Variants in TRIO observed in about 807,000 individuals in gnomAD.
TRIO encodes the protein trio Rho guanine nucleotide exchange factor.
Under a neutral mutation model 351.9 loss-of-function variants are expected in TRIO, and 58 were observed. That is an observed-to-expected ratio of 0.16 (90% CI 0.13 to 0.21). The LOEUF (loss-of-function observed/expected upper bound fraction) is 0.21. TRIO is among the 10% of genes least tolerant of loss of function. TRIO has a pLI of 1.00. For synonymous variants in TRIO, 1,758 were observed against 1,595.7 expected, an observed-to-expected ratio of 1.10 and a Z score of -2.42; for missense variants, 3,201 against 4,027.8, an observed-to-expected ratio of 0.79 and a Z score of 5.56.
At chr5:14,215,199 G>GAA (rs1227428150) in intron 1 of TRIO, among the ~76,000 whole-genome samples, 2 of 152,180 alleles carry the variant, frequency 1.3e-5, no homozygotes, top group African/African-American at 4.8e-5. Flanking sequence ...GAAAGAAAAA[G>GAA]AAAACCATAA....
At chr5:14,426,299 C>A (rs1750637658) in intron 34 of TRIO, among the ~76,000 whole-genome samples, 1 of 152,276 alleles carries the variant, frequency 6.6e-6, no homozygotes, top group African/African-American at 2.4e-5. Context: ...AACATAGGGG[C>A]TTTTTTCCCT....
At chr5:14,417,338 G>A (rs1749731678) in intron 33 of TRIO, among the ~76,000 whole-genome samples, 1 of 152,216 alleles carries the variant, frequency 6.6e-6, no homozygotes, top group Non-Finnish European at 1.5e-5. Context: ...TTTGGTCTTT[G>A]TGGTTGTCTA....
chr5:14,147,382 A>G (rs895052289), intron 1 of TRIO, among the ~76,000 whole-genome samples: 2 of 152,042 alleles, frequency 1.3e-5, no homozygotes, highest in Admixed American at 6.5e-5. Flanking sequence ...TTTATTGCCA[A>G]TCTATTTTGG....
chr5:14,502,710 A>T (rs372390384), intron 54 of TRIO, 53 bp downstream of exon 54: 4 of 1,557,778 alleles, frequency 2.6e-6, no homozygotes, highest in Non-Finnish European at 3.5e-6. Flanking sequence ...TGGGGAAGAC[A>T]TACCAGAGAG....
intron 29 of TRIO, 22 bp from the exon 30 acceptor site, chr5:14,398,857 GC>G: frequency 6.4e-7 from 1 of 1,571,016 alleles, no homozygotes; most frequent in Non-Finnish European, 8.6e-7. Context: ...AAATTGATTT[GC>G]CTCCCTTTTT....
intron 34 of TRIO, among the ~76,000 whole-genome samples, chr5:14,455,129 T>C (rs924924273): frequency 3.9e-5 from 6 of 152,146 alleles, no homozygotes; most frequent in African/African-American, 1.4e-4. Flanking sequence ...AGCAGCAAGA[T>C]TTATTGCAAA....
chr5:14,217,829 A>G (rs964309055), intron 1 of TRIO, among the ~76,000 whole-genome samples: 1 of 152,198 alleles, frequency 6.6e-6, no homozygotes, highest in Non-Finnish European at 1.5e-5. Context: ...CCAGCCTGAC[A>G]CATGGCTTGC....
intron 1 of TRIO, among the ~76,000 whole-genome samples, chr5:14,210,292 A>G (rs968806304): frequency 1.3e-5 from 2 of 152,220 alleles, no homozygotes; most frequent in African/African-American, 4.8e-5. Context: ...AACAGAGTCT[A>G]GGGAAGCTTT....
chr5:14,377,656 G>A (rs921045111), intron 19 of TRIO, among the ~76,000 whole-genome samples: 13 of 151,738 alleles, frequency 8.6e-5, no homozygotes, highest in African/African-American at 1.2e-4. Flanking sequence ...TAATAGTCTT[G>A]AAAAAAATGC....
At chr5:14,416,586 A>G (rs1749663193) in intron 33 of TRIO, among the ~76,000 whole-genome samples, 2 of 152,202 alleles carry the variant, frequency 1.3e-5, no homozygotes, top group African/African-American at 4.8e-5. Flanking sequence ...TTTGTATATG[A>G]TTCTTTGGCA....
At chr5:14,427,801 C>T (rs1750775377) in intron 34 of TRIO, among the ~76,000 whole-genome samples, 2 of 152,116 alleles carry the variant, frequency 1.3e-5, no homozygotes, top group Non-Finnish European at 1.5e-5. Context: ...CTTTTTGGTG[C>T]CTACTCTGAC....
chr5:14,318,158 C>T (rs1009579969), intron 9 of TRIO, among the ~76,000 whole-genome samples: 2 of 144,318 alleles, frequency 1.4e-5, no homozygotes, highest in African/African-American at 5.2e-5. Flanking sequence ...GCCTGGCATG[C>T]TGGCACATGC....
At chr5:14,433,371 C>T (rs1029290738) in intron 34 of TRIO, among the ~76,000 whole-genome samples, 1 of 152,184 alleles carries the variant, frequency 6.6e-6, no homozygotes, top group Non-Finnish European at 1.5e-5. Flanking sequence ...CCTTTCCCTC[C>T]AGAGCAGGAG....
At chr5:14,282,740 T>C (rs942164248) in intron 3 of TRIO, among the ~76,000 whole-genome samples, 2 of 152,162 alleles carry the variant, frequency 1.3e-5, no homozygotes, top group Non-Finnish European at 2.9e-5. Context: ...AAAGATCACA[T>C]CATGTCATTC....
intron 1 of TRIO, among the ~76,000 whole-genome samples, chr5:14,173,601 G>C (rs1789236210): frequency 6.6e-6 from 1 of 151,978 alleles, no homozygotes; most frequent in Non-Finnish European, 1.5e-5. Flanking sequence ...TTTTTGTTTT[G>C]TTTTTTGTTT....
At chr5:14,218,373 G>T (rs1441567542) in intron 1 of TRIO, among the ~76,000 whole-genome samples, 1 of 152,182 alleles carries the variant, frequency 6.6e-6, no homozygotes, top group Non-Finnish European at 1.5e-5. Context: ...CTGATATTAA[G>T]AGCACAGAAG....
Position 14,381,213 on chromosome 5 carries a change from G to A in TRIO, c.3531G>A (p.Glu1177=). The A allele has an allele frequency of 6.2e-7, 1 of 1,613,810 alleles. No homozygotes were observed. Among genetic ancestry groups the A allele is most frequent in the South Asian group, 1.1e-5 (1 of 90,986 alleles). Residue 1177 remains glutamate (E), a synonymous_variant, in exon 21 of 57, where the codon GAG becomes GAA. Coordinates refer to ENST00000344204, the MANE Select transcript of TRIO (RefSeq NM_007118.4). The part of the protein sequence containing the change: ...STGSSIQHTQ[E]LLKEHEEFQI... ...GCTCCAGTATACAGCACACCCAGGA[G>A]CTCCTGAAAGAGCACGAGGAGTTCC...
intron 1 of TRIO, among the ~76,000 whole-genome samples, chr5:14,152,888 G>C (rs1787918763): frequency 6.6e-6 from 1 of 152,232 alleles, no homozygotes; most frequent in African/African-American, 2.4e-5. Flanking sequence ...TTTAGTGCCA[G>C]AATGTTGTTA....
intron 1 of TRIO, among the ~76,000 whole-genome samples, chr5:14,245,712 CAG>C (rs1345932749): frequency 6.6e-6 from 1 of 152,198 alleles, no homozygotes; most frequent in Non-Finnish European, 1.5e-5. Flanking sequence ...CCTGTGCACA[CAG>C]AGGTCCCTGA....
Sources: allele counts gnomAD v4.1 joint callset (sites outside exome capture counted in the v4.1 genomes callset), GRCh38; gene constraint gnomAD v4.1.1; transcripts MANE v1.5; gene names NCBI Gene and HGNC (gene_info 2026-07-23, HGNC 2026-07-21).